SEMA5A: variants seen among roughly 807,000 people sequenced by gnomAD.
SEMA5A encodes the protein semaphorin-5A.
SEMA5A carries 55 observed loss-of-function variants against 135.5 expected under a neutral mutation model. That is an observed-to-expected ratio of 0.41 (90% CI 0.33 to 0.51). The LOEUF (loss-of-function observed/expected upper bound fraction) is 0.51, where lower values mean the gene tolerates loss of function less well. SEMA5A is among the 20% of genes least tolerant of loss of function. The pLI, the probability that SEMA5A is intolerant of heterozygous loss-of-function variation, is 0.37. For synonymous variants in SEMA5A, 580 were observed against 546.5 expected, an observed-to-expected ratio of 1.06 and a Z score of -0.85; for missense variants, 1,290 against 1,419.9, an observed-to-expected ratio of 0.91 and a Z score of 1.47.
chr5:9,363,244 C>A (rs972173929), intron 3 of SEMA5A: 38 of 152,306 alleles, frequency 2.5e-4, no homozygotes, highest in African/African-American at 9.1e-4. Flanking sequence ...CACTGCAAAG[C>A]GCTGATATAA....
intron 1 of SEMA5A, among the ~76,000 whole-genome samples, chr5:9,446,345 T>G (rs896020403): frequency 6.6e-6 from 1 of 152,118 alleles, no homozygotes; most frequent in Non-Finnish European, 1.5e-5. Context: ...CAAAAATGAC[T>G]TCTTTATTAA....
At chr5:9,296,658 T>G (rs1751348063) in intron 5 of SEMA5A, among the ~76,000 whole-genome samples, 1 of 152,140 alleles carries the variant, frequency 6.6e-6, no homozygotes, top group South Asian at 2.1e-4. Flanking sequence ...AAAAGGAATC[T>G]TCATTTAAGA....
chr5:9,189,661 A>C (rs940693527), intron 11 of SEMA5A, among the ~76,000 whole-genome samples: 1 of 152,194 alleles, frequency 6.6e-6, no homozygotes, highest in Non-Finnish European at 1.5e-5. Context: ...CTGGCCTCAC[A>C]CACCCAGAGC....
chr5:9,311,058 CAT>C (rs927619742), intron 5 of SEMA5A, among the ~76,000 whole-genome samples: 16 of 151,942 alleles, frequency 1.1e-4, no homozygotes, highest in Admixed American at 4.6e-4. Context: ...TTCTTTAAAA[CAT>C]GTGGAAACTG....
intron 2 of SEMA5A, among the ~76,000 whole-genome samples, chr5:9,408,259 A>G (rs1396914055): frequency 6.6e-6 from 1 of 152,184 alleles, no homozygotes; most frequent in Non-Finnish European, 1.5e-5. Flanking sequence ...ACGGAATACT[A>G]TAACCCTGCA....
intron 8 of SEMA5A, 55 bp from the exon 9 acceptor site, chr5:9,202,295 G>T: frequency 6.4e-7 from 1 of 1,565,422 alleles, no homozygotes; most frequent in Non-Finnish European, 8.7e-7. Context: ...ATTCCCTTTT[G>T]GTCTTGCCTG....
At chr5:9,241,763 C>A (rs1423661648) in intron 5 of SEMA5A, among the ~76,000 whole-genome samples, 1 of 152,002 alleles carries the variant, frequency 6.6e-6, no homozygotes, top group Non-Finnish European at 1.5e-5. Context: ...AAGAGATTGG[C>A]TCTTTTTATG....
intron 13 of SEMA5A, among the ~76,000 whole-genome samples, chr5:9,132,643 T>C (rs1033680984): frequency 3.3e-5 from 5 of 152,204 alleles, no homozygotes; most frequent in African/African-American, 1.2e-4. Context: ...AGCCACTGCA[T>C]GAAGTTTGAC....
chr5:9,373,328 ACT>A (rs1248587397), intron 3 of SEMA5A, among the ~76,000 whole-genome samples: 3 of 152,204 alleles, frequency 2.0e-5, no homozygotes, highest in African/African-American at 7.2e-5. Flanking sequence ...ACTTTCAGTC[ACT>A]GTTTTTTCAA....
intron 5 of SEMA5A, among the ~76,000 whole-genome samples, chr5:9,267,230 G>A (rs752864081): frequency 2.6e-4 from 40 of 152,006 alleles, no homozygotes; most frequent in Non-Finnish European, 5.1e-4. Context: ...TGAGAAGCCC[G>A]CCACACTTTG....
At chr5:9,510,127 T>C (rs73038540) in intron 1 of SEMA5A, among the ~76,000 whole-genome samples, 2 of 152,114 alleles carry the variant, frequency 1.3e-5, no homozygotes, top group African/African-American at 2.4e-5. Context: ...GCCTTAAGAT[T>C]GAAAGCCATG....
At chr5:9,445,279 G>A (rs1480129234) in intron 1 of SEMA5A, among the ~76,000 whole-genome samples, 1 of 151,820 alleles carries the variant, frequency 6.6e-6, no homozygotes, top group Non-Finnish European at 1.5e-5. Flanking sequence ...AATCTCATTA[G>A]GAACCAGCTA....
chr5:9,108,110 TGGGCTGG>T, intron 16 of SEMA5A, 23 bp downstream of exon 16: 1 of 1,607,152 alleles, frequency 6.2e-7, no homozygotes, highest in South Asian at 1.1e-5. Flanking sequence ...TTCTGGATTG[TGGGCTGG>T]GTGTGAGAAG....
At chr5:9,073,905 T>C (rs1262280984) in intron 16 of SEMA5A, among the ~76,000 whole-genome samples, 1 of 152,040 alleles carries the variant, frequency 6.6e-6, no homozygotes, top group African/African-American at 2.4e-5. Flanking sequence ...CTCAAAAAAA[T>C]ATGTGCATGA....
At chr5:9,456,428 ACT>A (rs1487652767) in intron 1 of SEMA5A, among the ~76,000 whole-genome samples, 1 of 152,034 alleles carries the variant, frequency 6.6e-6, no homozygotes. Context: ...AAAATTAAAA[ACT>A]CTAACCTTCA....
At chr5:9,304,446 TATA>T (rs1006920406) in intron 5 of SEMA5A, among the ~76,000 whole-genome samples, 4 of 152,122 alleles carry the variant, frequency 2.6e-5, no homozygotes, top group African/African-American at 9.7e-5. Context: ...ACTTTATGAA[TATA>T]ATATCATCTT....
intron 11 of SEMA5A, among the ~76,000 whole-genome samples, chr5:9,178,532 C>T (rs1209224443): frequency 6.6e-6 from 1 of 151,938 alleles, no homozygotes; most frequent in Non-Finnish European, 1.5e-5. Context: ...AGGTTTCACC[C>T]TGTTTGCCAG....
chr5:9,244,583 C>T (rs1046503923), intron 5 of SEMA5A, among the ~76,000 whole-genome samples: 1 of 152,222 alleles, frequency 6.6e-6, no homozygotes, highest in Non-Finnish European at 1.5e-5. Context: ...CACTAGAAAG[C>T]AAACTGCACT....
chr5:9,545,919 G>C lies in SEMA5A; in HGVS notation c.-510C>G, dbSNP rs1044547409. Reference sequence around the variant, plus strand: ...CGTCCCGGGATGAGCGACACTGGCCGGGCCGCCCCTGCACGGGGAAGGTGG... The same window carrying C: ...CGTCCCGGGATGAGCGACACTGGCCCGGCCGCCCCTGCACGGGGAAGGTGG... On this transcript the variant is annotated 5_prime_UTR_variant, in exon 1 of 23. Coordinates refer to ENST00000382496, the MANE Select transcript of SEMA5A (RefSeq NM_003966.3). This position sits in a 1 kb window ranked among gnomAD's most constrained non-coding sequence, Gnocchi z 4.5. The C allele has an allele frequency of 1.3e-5, 2 of 152,394 alleles. No homozygotes were observed. Among genetic ancestry groups the C allele is most frequent in the African/African-American group, 4.8e-5 (2 of 41,456 alleles). The allele number at this position is 152,394 out of a possible 1,614,324, so 9.4% of individuals were successfully genotyped here.
Sources: allele counts gnomAD v4.1 joint callset (sites outside exome capture counted in the v4.1 genomes callset), GRCh38; gene constraint gnomAD v4.1.1; non-coding constraint Gnocchi (gnomAD v3.1); transcripts MANE v1.5; gene names NCBI Gene and HGNC (gene_info 2026-07-23, HGNC 2026-07-21).